The following FUT8 variants were observed in gnomAD, a reference collection of about 807,000 sequenced individuals.
FUT8 encodes the protein fucosyltransferase 8.
In FUT8, 29 loss-of-function variants were observed where a neutral mutation model predicts 71.3. The ratio of observed to expected loss-of-function variants is 0.41; its 90% CI spans 0.30 to 0.55. The LOEUF is 0.55. FUT8 is among the 20% of genes least tolerant of loss of function. The probability of loss-of-function intolerance (pLI) is 0.34; values close to 1 mark genes in which losing one functional copy is unlikely to be tolerated. For synonymous variants in FUT8, 254 were observed against 239.3 expected (o/e 1.06, Z -0.57); for missense variants, 544 against 702.1 (o/e 0.77, Z 2.55).
intron 2 of FUT8, among the ~76,000 whole-genome samples, chr14:65,493,573 A>G (rs2066515435): frequency 6.6e-6 from 1 of 152,100 alleles, no homozygotes; most frequent in South Asian, 2.1e-4. Flanking sequence ...ATTATAACCT[A>G]TAGAATTGAT....
At chr14:65,484,874 A>G (rs1162808698) in intron 2 of FUT8, among the ~76,000 whole-genome samples, 4 of 151,448 alleles carry the variant, frequency 2.6e-5, no homozygotes, top group Non-Finnish European at 5.9e-5. Flanking sequence ...GATCGTCTTT[A>G]TTGGTATTTT....
intron 2 of FUT8, among the ~76,000 whole-genome samples, chr14:65,540,830 A>G (rs1884636380): frequency 6.6e-6 from 1 of 152,192 alleles, no homozygotes; most frequent in Non-Finnish European, 1.5e-5. Flanking sequence ...TAATCATGCT[A>G]GTGAAACTGG....
intron 7 of FUT8, among the ~76,000 whole-genome samples, chr14:65,672,697 G>A (rs1892528594): frequency 6.6e-6 from 1 of 152,134 alleles, no homozygotes; most frequent in African/African-American, 2.4e-5. Flanking sequence ...CTGGCCTCAA[G>A]CAGTCCTCCC....
At chr14:65,640,258 G>GAA (rs200884502) in intron 6 of FUT8, among the ~76,000 whole-genome samples, 3 of 146,120 alleles carry the variant, frequency 2.1e-5, no homozygotes, top group Admixed American at 6.8e-5. Context: ...AAGAAGAAAA[G>GAA]AAAAAAAAAA....
the FUT8 span, among the ~76,000 whole-genome samples, chr14:65,368,365 A>G: frequency 1.1e-5 from 1 of 88,768 alleles, no homozygotes; most frequent in African/African-American, 4.2e-5. Context: ...TTTGGGACAG[A>G]GTTTCGCTCT....
chr14:65,377,600 C>T, the FUT8 span, among the ~76,000 whole-genome samples: 5 of 152,060 alleles, frequency 3.3e-5, no homozygotes, highest in African/African-American at 7.2e-5. Context: ...TATGTGATCC[C>T]GGTATGGCCT....
the FUT8 span, among the ~76,000 whole-genome samples, chr14:65,378,757 G>A: frequency 6.9e-6 from 1 of 144,662 alleles, no homozygotes; most frequent in Non-Finnish European, 1.5e-5. Context: ...GACCCTTACA[G>A]CATCAAAATT....
chr14:65,641,319 C>T (rs905461030), intron 6 of FUT8, among the ~76,000 whole-genome samples: 7 of 152,142 alleles, frequency 4.6e-5, no homozygotes, highest in South Asian at 2.1e-4. Flanking sequence ...ATTATTTTGA[C>T]GTTCATCTAT....
intron 2 of FUT8, among the ~76,000 whole-genome samples, chr14:65,530,282 A>G (rs138919105): frequency 0.01 from 1,595 of 152,294 alleles, 30 homozygotes; most frequent in African/African-American, 0.037. Context: ...TCAGGCAATT[A>G]TAGGGCTCAC....
intron 1 of FUT8, among the ~76,000 whole-genome samples, chr14:65,417,931 A>G (rs183807562): frequency 6.6e-6 from 1 of 152,334 alleles, no homozygotes; most frequent in East Asian, 1.9e-4. Context: ...TAAACTGAAT[A>G]AATATGAAAA....
At chr14:65,448,690 A>G (rs891855912) in intron 1 of FUT8, among the ~76,000 whole-genome samples, 1 of 152,212 alleles carries the variant, frequency 6.6e-6, no homozygotes, top group African/African-American at 2.4e-5. Context: ...AAAAATAAAC[A>G]GTTACAATGT....
intron 7 of FUT8, among the ~76,000 whole-genome samples, chr14:65,682,391 C>T (rs1439826752): frequency 6.6e-6 from 1 of 151,770 alleles, no homozygotes; most frequent in Non-Finnish European, 1.5e-5. Context: ...GCCTGTAGTC[C>T]CAGCTACTTG....
intron 2 of FUT8, among the ~76,000 whole-genome samples, chr14:65,510,873 T>A (rs775156048): frequency 6.6e-6 from 1 of 152,132 alleles, no homozygotes; most frequent in African/African-American, 2.4e-5. Flanking sequence ...TTTTGATTCA[T>A]CTTTTGTATT....
intron 3 of FUT8, among the ~76,000 whole-genome samples, chr14:65,605,340 C>G (rs1177230060): frequency 6.6e-6 from 1 of 151,910 alleles, no homozygotes; most frequent in African/African-American, 2.4e-5. Context: ...ATTGCTTCCC[C>G]CACCCATCCA....
rs560750613 is a variant in FUT8, at chr14:65,541,291, AGAG to A, written c.-227-20042_-227-20040del. Among the ~76,000 whole-genome samples the A allele has an allele frequency of 2.5e-3, 381 of 152,346 alleles. 2 individuals are homozygous for A. Among genetic ancestry groups the A allele is most frequent in the African/African-American group, 8.9e-3 (369 of 41,588 alleles). Reference sequence around the variant, plus strand: ...TAGGGTATAAATAAATAGATACATAAGAGGAGATTTATCATGGGATTATAGTCA... The same window carrying A: ...TAGGGTATAAATAAATAGATACATAAGAGATTTATCATGGGATTATAGTCA... On this transcript the variant is annotated intron_variant, in intron 2 of 10. Coordinates refer to ENST00000673929, the MANE Select transcript of FUT8 (RefSeq NM_001371533.1).
intron 6 of FUT8, among the ~76,000 whole-genome samples, chr14:65,633,110 A>G (rs907523289): frequency 5.3e-5 from 8 of 149,914 alleles, no homozygotes; most frequent in African/African-American, 9.9e-5. Context: ...GCTCACTGCA[A>G]CCTCCCTGCC....
chr14:65,594,554 T>G (rs568611537), intron 3 of FUT8, among the ~76,000 whole-genome samples: 2 of 152,332 alleles, frequency 1.3e-5, no homozygotes, highest in Non-Finnish European at 2.9e-5. Flanking sequence ...AGGGCCAGTA[T>G]GACAGACTTT....
chr14:65,711,940 C>A (rs1894826612), intron 7 of FUT8, among the ~76,000 whole-genome samples: 2 of 152,094 alleles, frequency 1.3e-5, no homozygotes, highest in South Asian at 4.1e-4. Flanking sequence ...AAACATTTTG[C>A]ATATATACAG....
chr14:65,540,261 GT>G (rs1884596980), intron 2 of FUT8, among the ~76,000 whole-genome samples: 1 of 150,358 alleles, frequency 6.7e-6, no homozygotes. Flanking sequence ...CCTGATTTTT[GT>G]TTGTTTGTTT....
Sources: gnomAD v4.1 joint callset for allele counts (sites outside exome capture counted in the v4.1 genomes callset) on GRCh38, gnomAD v4.1.1 for gene constraint, MANE v1.5 for transcripts, NCBI Gene and HGNC (gene_info 2026-07-23, HGNC 2026-07-21) for gene names.